Variants in SLAMF1 observed in about 807,000 individuals in gnomAD.
SLAMF1 encodes signaling lymphocytic activation molecule.
A neutral mutation model predicts 35.1 loss-of-function variants in SLAMF1; 18 were observed. The ratio of observed to expected loss-of-function variants is 0.51; its 90% confidence interval spans 0.35 to 0.76. The LOEUF is 0.76. Ranked by LOEUF, SLAMF1 falls within the 30% of genes least tolerant of loss-of-function variation. The probability of loss-of-function intolerance (pLI) is 0.01; values close to 1 mark genes in which losing one functional copy is unlikely to be tolerated. For synonymous variants in SLAMF1, 168 were observed against 157.2 expected, an observed-to-expected ratio of 1.07 and a Z score of -0.51; for missense variants, 392 against 413.0, an observed-to-expected ratio of 0.95 and a Z score of 0.44.
rs1366444545 is a variant in SLAMF1 at position 160,610,768 on chromosome 1, C to G, written c.988G>C (p.Val330Leu). The change falls in exon 7 of 7, where the codon GTG (valine) becomes CTG (leucine). Residue 330 changes from valine (V) to leucine (L), a missense_variant. Val to Leu is a conservative substitution (Grantham distance 32). Transcript: ENST00000302035. Reference sequence around the variant, plus strand: ...TGGTGTCAGCTCTCTGGAAGTGTCACACTAGCATAGACTGTGATGGAATTT... The same window carrying G: ...TGGTGTCAGCTCTCTGGAAGTGTCAGACTAGCATAGACTGTGATGGAATTT... ...ETNSITVYAS[V>L]TLPES The G allele has an allele frequency of 6.2e-7, 1 of 1,613,288 alleles. No individual in the cohort carries two copies. Among genetic ancestry groups the G allele is most frequent in the Non-Finnish European group, 8.5e-7 (1 of 1,179,224 alleles).
At chr1:160,640,486 G>C (rs1305166097) in intron 1 of SLAMF1, among the ~76,000 whole-genome samples, 1 of 151,546 alleles carries the variant, frequency 6.6e-6, no homozygotes, top group East Asian at 1.9e-4. Context: ...GACTCAAAGA[G>C]AGCATAGATT....
At chr1:160,636,156 G>A (rs146998465) in intron 2 of SLAMF1, among the ~76,000 whole-genome samples, 7 of 152,312 alleles carry the variant, frequency 4.6e-5, no homozygotes, top group African/African-American at 1.2e-4. Context: ...AGAATGTCTG[G>A]CATCCACACC....
At chr1:160,641,460 C>CAAAAAAAT (rs200554937) in intron 1 of SLAMF1, among the ~76,000 whole-genome samples, 1 of 148,666 alleles carries the variant, frequency 6.7e-6, no homozygotes, top group Non-Finnish European at 1.5e-5. Context: ...AGGGAATAAC[C>CAAAAAAAT]AAAAAAATAA....
intron 4 of SLAMF1, among the ~76,000 whole-genome samples, chr1:160,622,927 G>A (rs1282190478): frequency 6.6e-6 from 1 of 152,204 alleles, no homozygotes; most frequent in Non-Finnish European, 1.5e-5. Flanking sequence ...TTTATGAAAG[G>A]TGCAGCAACT....
At position 160,612,549 on chromosome 1, in the gene SLAMF1, G is replaced by A. The variant is rs1375685957; in HGVS notation, c.896C>T (p.Ala299Val). Reference sequence around the variant, plus strand: ...ATATATGGTGGTGCAAGGGTCCTGAGCTGGGAAGGAGTCAAGTTTCTTCTG... The same window carrying A: ...ATATATGGTGGTGCAAGGGTCCTGAACTGGGAAGGAGTCAAGTTTCTTCTG... ...PLQKKLDSFP[A>V]QDPCTTIYVA... Residue 299 changes from alanine (A) to valine (V), a missense_variant, in exon 6 of 7, where the codon GCT becomes GTT. By Grantham distance (64) the Ala-to-Val change is moderately conservative (BLOSUM62 0). Transcript: ENST00000302035. 1 of 1,613,128 alleles carries A rather than the reference G, an allele frequency of 6.2e-7. No individual in the cohort carries two copies. Among genetic ancestry groups the A allele is most frequent in the Non-Finnish European group, 8.5e-7 (1 of 1,179,434 alleles).
chr1:160,630,973 C>T (rs1287619476), intron 3 of SLAMF1, among the ~76,000 whole-genome samples: 1 of 152,150 alleles, frequency 6.6e-6, no homozygotes, highest in Non-Finnish European at 1.5e-5. Context: ...ATAATTCCCT[C>T]CTGTTTGTTG....
intron 3 of SLAMF1, among the ~76,000 whole-genome samples, chr1:160,632,177 G>A (rs1443264532): frequency 3.3e-5 from 5 of 152,076 alleles, no homozygotes; most frequent in African/African-American, 1.2e-4. Flanking sequence ...AGCAGCCTTA[G>A]CAAACTCATA....
chr1:160,646,421 T>C (rs1389404571), intron 1 of SLAMF1, among the ~76,000 whole-genome samples: 1 of 152,200 alleles, frequency 6.6e-6, no homozygotes, highest in Non-Finnish European at 1.5e-5. Flanking sequence ...TGACCCATGC[T>C]CCTGGTTTGT....
intron 4 of SLAMF1, among the ~76,000 whole-genome samples, chr1:160,621,099 A>G (rs951653738): frequency 2.0e-5 from 3 of 152,194 alleles, no homozygotes; most frequent in South Asian, 2.1e-4. Context: ...GTTGCACAGT[A>G]TCCTTTGTAT....
At chr1:160,628,113 A>G (rs12733256) in intron 3 of SLAMF1, among the ~76,000 whole-genome samples, 59,204 of 152,096 alleles carry the variant, frequency 0.39, 12,318 homozygotes, top group African/African-American at 0.51. Flanking sequence ...TCTTTCCTTT[A>G]TAAATCACCC....
intron 3 of SLAMF1, among the ~76,000 whole-genome samples, chr1:160,631,010 C>A (rs149986201): frequency 1.3e-5 from 2 of 152,040 alleles, no homozygotes; most frequent in Admixed American, 6.6e-5. Context: ...ATTTTACATC[C>A]GTCACACTGT....
intron 4 of SLAMF1, among the ~76,000 whole-genome samples, chr1:160,621,536 G>A (rs1558005758): frequency 1.5e-5 from 2 of 131,942 alleles, no homozygotes; most frequent in East Asian, 4.8e-4. Context: ...TCCAGCCTGA[G>A]TGACAGAGCA....
chr1:160,644,994 T>C (rs1024142703), intron 1 of SLAMF1, among the ~76,000 whole-genome samples: 2 of 152,208 alleles, frequency 1.3e-5, no homozygotes, highest in African/African-American at 4.8e-5. Context: ...AGGCTATGTA[T>C]GTATGGGGCA....
intron 2 of SLAMF1, among the ~76,000 whole-genome samples, chr1:160,635,307 C>T (rs562823453): frequency 3.3e-5 from 5 of 152,152 alleles, no homozygotes; most frequent in African/African-American, 1.2e-4. Flanking sequence ...TTTCATCTAT[C>T]GTGATGTGTG....
intron 3 of SLAMF1, among the ~76,000 whole-genome samples, chr1:160,630,941 C>G (rs1393500032): frequency 6.6e-6 from 1 of 152,186 alleles, no homozygotes; most frequent in Non-Finnish European, 1.5e-5. Flanking sequence ...GATGCTCTCT[C>G]TAATCCCCCG....
intron 1 of SLAMF1, among the ~76,000 whole-genome samples, chr1:160,644,971 T>C (rs1483413724): frequency 3.9e-5 from 6 of 152,150 alleles, no homozygotes; most frequent in African/African-American, 7.2e-5. Flanking sequence ...GTGGGGGATA[T>C]TGATAATAGG....
intron 1 of SLAMF1, among the ~76,000 whole-genome samples, chr1:160,639,696 T>C (rs1660640617): frequency 6.6e-6 from 1 of 152,234 alleles, no homozygotes; most frequent in Non-Finnish European, 1.5e-5. Flanking sequence ...TGGAATCATC[T>C]TTAAAAACCA....
At chr1:160,612,113 G>C (rs1257816207) in intron 6 of SLAMF1, among the ~76,000 whole-genome samples, 3 of 152,122 alleles carry the variant, frequency 2.0e-5, no homozygotes, top group Non-Finnish European at 4.4e-5. Context: ...GGCCCCGTGT[G>C]AGCAGGTATT....
chr1:160,621,855 C>CGTGCGTGT (rs111359378), intron 4 of SLAMF1, among the ~76,000 whole-genome samples: 1 of 145,210 alleles, frequency 6.9e-6, no homozygotes, highest in Non-Finnish European at 1.5e-5. Flanking sequence ...TGCGTGAGTG[C>CGTGCGTGT]GTGTGTGTGT....
Sources: allele counts gnomAD v4.1 joint callset (sites outside exome capture counted in the v4.1 genomes callset), GRCh38; gene constraint gnomAD v4.1.1; transcripts MANE v1.5; gene names NCBI Gene and HGNC (gene_info 2026-07-23, HGNC 2026-07-21).